Variants in RPN1 observed in about 807,000 individuals in gnomAD.
RPN1 encodes dolichyl-diphosphooligosaccharide--protein glycosyltransferase subunit 1.
RPN1 carries 12 observed loss-of-function variants against 55.5 expected under a neutral mutation model. The observed-to-expected ratio is 0.22, with a 90% CI of 0.14 to 0.35. RPN1 has a LOEUF of 0.35. Among genes scored for constraint, RPN1 ranks in the 10% least tolerant of loss-of-function variants. The probability of loss-of-function intolerance (pLI) is 1.00; values close to 1 mark genes in which losing one functional copy is unlikely to be tolerated. For synonymous variants in RPN1, 317 were observed against 305.9 expected, an observed-to-expected ratio of 1.04 and a Z score of -0.38; for missense variants, 679 against 761.3, an observed-to-expected ratio of 0.89 and a Z score of 1.27.
At chr3:128,643,352 G>C (rs1309818853) in intron 2 of RPN1, among the ~76,000 whole-genome samples, 1 of 150,062 alleles carries the variant, frequency 6.7e-6, no homozygotes, top group African/African-American at 2.5e-5. Context: ...AACAAAGATA[G>C]GTAGGATCAC....
At chr3:128,639,173 C>T (rs955433132) in intron 2 of RPN1, among the ~76,000 whole-genome samples, 16 of 151,912 alleles carry the variant, frequency 1.1e-4, no homozygotes, top group Non-Finnish European at 1.6e-4. Flanking sequence ...ATACATAGAC[C>T]CGGGGAGGGT....
At chr3:128,643,343 AC>A (rs1345853238) in intron 2 of RPN1, among the ~76,000 whole-genome samples, 26 of 150,816 alleles carry the variant, frequency 1.7e-4, no homozygotes, top group Admixed American at 3.3e-4. Context: ...AAAAAAAAAA[AC>A]AAAGATAGGT....
intron 5 of RPN1, among the ~76,000 whole-genome samples, chr3:128,628,770 T>G (rs1338736190): frequency 6.6e-6 from 1 of 151,792 alleles, no homozygotes; most frequent in Non-Finnish European, 1.5e-5. Context: ...TCACTTGAGG[T>G]CAGGAGTTCA....
In RPN1 at chr3:128,638,100, C is replaced by T. The variant is rs2069694861; in HGVS notation, c.332G>A (p.Arg111Lys). 3.7e-6 allele frequency: 6 copies of T among 1,611,072 alleles called. No individual in the cohort carries two copies. The Admixed American group carries it at 1.0e-4, about 27-fold the overall frequency. The part of the protein sequence containing the change: ...RETKIKGKSG[R>K]FFTVKLPVAL... ...AACTGGGAGCTTGACTGTGAAGAATCTCCCACTAAAGGAAGAACAAGGCAA... is the reference window on the plus strand; with the variant it reads ...AACTGGGAGCTTGACTGTGAAGAATTTCCCACTAAAGGAAGAACAAGGCAA... Residue 111 changes from arginine (R) to lysine (K), a missense_variant, in exon 3 of 10, where the codon AGA becomes AAA. By Grantham distance (26) the Arg-to-Lys change is conservative. Coordinates refer to ENST00000296255, the MANE Select transcript of RPN1 (RefSeq NM_002950.4).
Position 128,620,472 on chromosome 3 carries a change from A to G in RPN1, c.1763T>C (p.Leu588Pro). Residue 588 changes from leucine to proline, a missense_variant, in exon 10 of 10, where the codon CTC becomes CCC. Leu to Pro is a moderately conservative substitution (Grantham distance 98). Around this residue, in one of 3 missense-constraint regions of RPN1, gnomAD observed 306 missense variants for 360.0 expected, o/e 0.85. Transcript: ENST00000296255. ...KKDTYIENEK[L>P]ISGKRQELVT... Reference sequence around the variant, plus strand: ...CAGCTCCTGGCGCTTTCCTGAGATGAGCTTCTCATTCTCAATGTACGTGTC... The same window carrying G: ...CAGCTCCTGGCGCTTTCCTGAGATGGGCTTCTCATTCTCAATGTACGTGTC... The G allele has an allele frequency of 6.2e-7, 1 of 1,614,014 alleles. No individual in the cohort carries two copies. The highest frequency in any genetic ancestry group is 8.5e-7 in the Non-Finnish European group (1 of 1,179,978).
chr3:128,620,406 A>C lies in RPN1; in HGVS notation c.*5T>G. 6.2e-7 allele frequency: 1 copy of C among 1,607,214 alleles called. No homozygotes were observed. The highest frequency in any genetic ancestry group is 1.7e-5 in the Admixed American group (1 of 59,628). On this transcript the variant is annotated 3_prime_UTR_variant, in exon 10 of 10. Coordinates refer to ENST00000296255, the MANE Select transcript of RPN1 (RefSeq NM_002950.4). ...CCTGGGCCCCCTGGAGGATGCGGGC[A>C]GGGGCTACAGGGCATCCAGGATGTG...
In RPN1 at chr3:128,620,217, A is replaced by T. The variant is rs570262675; in HGVS notation, c.*194T>A. The T allele has an allele frequency of 2.5e-6, 1 of 396,832 alleles. No individual in the cohort carries two copies. 24.6% of individuals were successfully genotyped at this position (396,832 alleles called of 1,614,324 possible). A position where few individuals can be genotyped will look rare whatever the true frequency, so the allele number is the denominator to read the frequency against. On this transcript the variant is annotated 3_prime_UTR_variant, in exon 10 of 10. Coordinates refer to ENST00000296255, the MANE Select transcript of RPN1 (RefSeq NM_002950.4). ...TTTTTTAAAGTTTTCTTTTTTTAAA[A>T]AAAAAAAAAAAGAAAGTTAAGGACA...
At chr3:128,649,178 T>C (rs969070323) in intron 1 of RPN1, among the ~76,000 whole-genome samples, 3 of 152,218 alleles carry the variant, frequency 2.0e-5, no homozygotes, top group South Asian at 2.1e-4. Context: ...GTATTTTGAA[T>C]ATACTAATAA....
intron 1 of RPN1, among the ~76,000 whole-genome samples, chr3:128,649,944 A>C (rs1012168182): frequency 6.6e-6 from 1 of 152,258 alleles, no homozygotes. Context: ...ATTTCAAGTG[A>C]TTACCAACTT....
chr3:128,646,706 G>T (rs940020737), intron 1 of RPN1, among the ~76,000 whole-genome samples: 1 of 146,682 alleles, frequency 6.8e-6, no homozygotes, highest in African/African-American at 2.5e-5. Flanking sequence ...AAAGTTGGCC[G>T]GGTGCGGTGG....
chr3:128,631,873 G>A, intron 4 of RPN1, 75 bp downstream of exon 4: 1 of 1,511,712 alleles, frequency 6.6e-7, no homozygotes, highest in Non-Finnish European at 9.1e-7. Context: ...TATTTAGCTA[G>A]TTTCGAAAAG....
At chr3:128,639,868 T>C (rs1382978503) in intron 2 of RPN1, among the ~76,000 whole-genome samples, 2 of 152,202 alleles carry the variant, frequency 1.3e-5, no homozygotes, top group Admixed American at 6.6e-5. Context: ...ATTACAGGCA[T>C]GAGCCACTGC....
At chr3:128,646,442 A>G (rs2069769360) in intron 1 of RPN1, among the ~76,000 whole-genome samples, 1 of 152,008 alleles carries the variant, frequency 6.6e-6, no homozygotes, top group Non-Finnish European at 1.5e-5. Context: ...CAGCACTCTG[A>G]CAGGCAGAGG....
Position 128,620,488 on chromosome 3 carries a change from T to C in RPN1, c.1747A>G (p.Ile583Val), listed in dbSNP as rs776743768. ...CCTGAGATGAGCTTCTCATTCTCAATGTACGTGTCTTTCTTGAGCTTGCCA... is the reference window on the plus strand; with the variant it reads ...CCTGAGATGAGCTTCTCATTCTCAACGTACGTGTCTTTCTTGAGCTTGCCA... ...VAGKLKKDTY[I>V]ENEKLISGKR... is the part of the protein sequence containing the mutation. The change falls in exon 10 of 10, where the codon ATT becomes GTT. Residue 583 changes from isoleucine to valine, a missense_variant. Ile to Val is a conservative substitution (Grantham distance 29, BLOSUM62 3). Transcript: ENST00000296255. 6.8e-6 allele frequency: 11 copies of C among 1,614,052 alleles called. No individual in the cohort carries two copies. In the East Asian group the frequency reaches 2.2e-4, roughly 33 times the overall value.
chr3:128,622,146 G>GT lies in RPN1; in HGVS notation c.1641+17dup, dbSNP rs768626765. ...GGAGGGCCCCAAGCCAAGCAACTCT[G>GT]TGACGCCCGACACTTACTCTGTCGC... On this transcript the variant is annotated intron_variant, in intron 9 of 9. Coordinates refer to ENST00000296255, the MANE Select transcript of RPN1 (RefSeq NM_002950.4). The GT allele has an allele frequency of 4.3e-6, 7 of 1,612,516 alleles. No individual in the cohort carries two copies. The highest frequency in any genetic ancestry group is 5.9e-6 in the Non-Finnish European group (7 of 1,178,962).
intron 6 of RPN1, 69 bp downstream of exon 6, chr3:128,626,664 T>C: frequency 7.3e-7 from 1 of 1,362,316 alleles, no homozygotes; most frequent in Non-Finnish European, 1.1e-6. Context: ...GAACATAGGC[T>C]CTCCTTAGGG....
chr3:128,638,896 GC>G (rs2069703623), intron 2 of RPN1, among the ~76,000 whole-genome samples: 1 of 152,050 alleles, frequency 6.6e-6, no homozygotes, highest in African/African-American at 2.4e-5. Context: ...AACCCGGGAG[GC>G]GGAGGTTGCA....
chr3:128,624,482 GA>G (rs1349550876), intron 8 of RPN1, among the ~76,000 whole-genome samples: 86 of 129,094 alleles, frequency 6.7e-4, no homozygotes, highest in Non-Finnish European at 5.9e-4. Context: ...TCCGTCTCAG[GA>G]AAAAAAAAAA....
At chr3:128,640,096 T>C (rs1202937661) in intron 2 of RPN1, among the ~76,000 whole-genome samples, 2 of 151,824 alleles carry the variant, frequency 1.3e-5, no homozygotes, top group South Asian at 2.1e-4. Context: ...TGCTTGAACC[T>C]GGGAGGCGGA....
Sources: gnomAD v4.1 joint callset for allele counts (sites outside exome capture counted in the v4.1 genomes callset) on GRCh38, gnomAD v4.1.1 for gene constraint, gnomAD v4.1.1 regional missense constraint, MANE v1.5 for transcripts, NCBI Gene and HGNC (gene_info 2026-07-23, HGNC 2026-07-21) for gene names.